Variants in MTUS1 observed in about 807,000 individuals in gnomAD.
The protein encoded by MTUS1 is microtubule-associated tumor suppressor 1.
A neutral mutation model predicts 120.8 loss-of-function variants in MTUS1; 109 were observed. The observed-to-expected ratio is 0.90, with a 90% CI of 0.77 to 1.06. The LOEUF is 1.06. MTUS1 is among the 50% of genes least tolerant of loss of function. The pLI is 0.00. For synonymous variants in MTUS1, 737 were observed against 550.5 expected (o/e 1.34, Z -4.74); for missense variants, 2,210 against 1,486.3 (o/e 1.49, Z -8.01).
intron 4 of MTUS1, chr8:17,722,019 C>A: frequency 7.1e-7 from 1 of 1,401,792 alleles, no homozygotes; most frequent in South Asian, 1.8e-5. Flanking sequence ...TGCGTAAGCT[C>A]CAAGGCACTA....
chr8:17,719,100 G>A (rs1367995304), intron 4 of MTUS1, among the ~76,000 whole-genome samples: 1 of 151,994 alleles, frequency 6.6e-6, no homozygotes, highest in Non-Finnish European at 1.5e-5. Context: ...AACCCAGGAG[G>A]CGGAGGTTGC....
At chr8:17,760,840 T>C (rs893570104) in intron 1 of MTUS1, among the ~76,000 whole-genome samples, 51 of 149,564 alleles carry the variant, frequency 3.4e-4, no homozygotes, top group African/African-American at 1.2e-3. Context: ...CAAACCATCC[T>C]CACCCAAAGG....
chr8:17,776,466 G>A (rs1372111545), intron 1 of MTUS1, among the ~76,000 whole-genome samples: 1 of 151,946 alleles, frequency 6.6e-6, no homozygotes, highest in East Asian at 1.9e-4. Flanking sequence ...CGGATCACCT[G>A]AGCTCAGGAG....
intron 5 of MTUS1, among the ~76,000 whole-genome samples, chr8:17,715,390 G>C (rs1822124939): frequency 6.6e-6 from 1 of 152,202 alleles, no homozygotes; most frequent in Non-Finnish European, 1.5e-5. Flanking sequence ...CAATGTCTTA[G>C]ACCAAAGACA....
intron 8 of MTUS1, among the ~76,000 whole-genome samples, chr8:17,662,019 A>C (rs1809834610): frequency 6.6e-6 from 1 of 152,164 alleles, no homozygotes; most frequent in Non-Finnish European, 1.5e-5. Context: ...AGGTTCTCAG[A>C]GTGCTCCTCG....
chr8:17,654,754 C>T, intron 9 of MTUS1, 88 bp from the exon 10 acceptor site: 1 of 870,854 alleles, frequency 1.1e-6, no homozygotes, highest in Non-Finnish European at 1.9e-6. Context: ...GGAGACGTCA[C>T]AGCTTCACAG....
At chr8:17,713,319 T>C (rs899929772) in intron 5 of MTUS1, 67 bp from the exon 6 acceptor site, 1 of 920,386 alleles carries the variant, frequency 1.1e-6, no homozygotes, top group African/African-American at 1.7e-5. Context: ...AAACAAACCA[T>C]GTTGATAAGA....
At chr8:17,681,333 A>G (rs1449434447) in intron 7 of MTUS1, among the ~76,000 whole-genome samples, 7 of 152,190 alleles carry the variant, frequency 4.6e-5, no homozygotes, top group Non-Finnish European at 1.0e-4. Flanking sequence ...ACATGTAGGT[A>G]TTGTGGGCAA....
intron 2 of MTUS1, among the ~76,000 whole-genome samples, chr8:17,746,596 TG>T (rs1202460965): frequency 7.9e-5 from 12 of 152,044 alleles, no homozygotes; most frequent in Non-Finnish European, 1.5e-4. Flanking sequence ...AAGAACAGTA[TG>T]GGGGAAACCA....
At chr8:17,652,073 C>T (rs2285298) in intron 12 of MTUS1, among the ~76,000 whole-genome samples, 7,790 of 152,204 alleles carry the variant, frequency 0.051, 417 homozygotes, top group East Asian at 0.24. Flanking sequence ...CTAGAGCTGG[C>T]CAGAGATTTG....
intron 8 of MTUS1, among the ~76,000 whole-genome samples, chr8:17,657,397 T>A (rs1434654552): frequency 2.0e-5 from 3 of 150,472 alleles, no homozygotes; most frequent in African/African-American, 7.3e-5. Flanking sequence ...TGAAACCCCG[T>A]CTCTACTAAA....
intron 1 of MTUS1, among the ~76,000 whole-genome samples, chr8:17,799,546 A>C (rs1199492790): frequency 6.6e-6 from 1 of 152,208 alleles, no homozygotes; most frequent in African/African-American, 2.4e-5. Context: ...AAATCAAAAC[A>C]AACAGGGTTA....
At chr8:17,715,540 C>A (rs1270614433) in intron 5 of MTUS1, among the ~76,000 whole-genome samples, 1 of 152,160 alleles carries the variant, frequency 6.6e-6, no homozygotes, top group African/African-American at 2.4e-5. Flanking sequence ...CTACCTTATA[C>A]CTTTGTTCTG....
intron 6 of MTUS1, among the ~76,000 whole-genome samples, chr8:17,700,444 T>C (rs1343173116): frequency 1.1e-5 from 1 of 88,658 alleles, no homozygotes; most frequent in Non-Finnish European, 2.2e-5. Flanking sequence ...CACTCCAGCC[T>C]GGGCAATAAG....
chr8:17,657,955 A>G (rs1808794577), intron 8 of MTUS1, among the ~76,000 whole-genome samples: 1 of 151,432 alleles, frequency 6.6e-6, no homozygotes, highest in Admixed American at 6.6e-5. Flanking sequence ...ACATATATGT[A>G]TGCATATATA....
At chr8:17,674,182 A>G (rs1812591696) in intron 8 of MTUS1, among the ~76,000 whole-genome samples, 1 of 152,020 alleles carries the variant, frequency 6.6e-6, no homozygotes, top group Non-Finnish European at 1.5e-5. Context: ...TCACACCTAT[A>G]ATCCCAGTAC....
intron 8 of MTUS1, among the ~76,000 whole-genome samples, chr8:17,670,371 C>A (rs1260812008): frequency 6.6e-6 from 1 of 152,106 alleles, no homozygotes; most frequent in Non-Finnish European, 1.5e-5. Flanking sequence ...AAACAGCTGG[C>A]AATGAAACCC....
chr8:17,767,017 GCACAACCA>G (rs1167705063), intron 1 of MTUS1, among the ~76,000 whole-genome samples: 4 of 151,922 alleles, frequency 2.6e-5, no homozygotes, highest in Non-Finnish European at 5.9e-5. Context: ...AATAAGACTG[GCACAACCA>G]TTTGCCATCT....
At chr8:17,744,689 C>G (rs374757086) in intron 2 of MTUS1, among the ~76,000 whole-genome samples, 1 of 99,014 alleles carries the variant, frequency 1.0e-5, no homozygotes, top group Non-Finnish European at 2.0e-5. Context: ...ACCATGTTTT[C>G]TTTTTTTTTT....
Sources: allele counts gnomAD v4.1 joint callset (sites outside exome capture counted in the v4.1 genomes callset), GRCh38; gene constraint gnomAD v4.1.1; transcripts MANE v1.5; gene names NCBI Gene and HGNC (gene_info 2026-07-23, HGNC 2026-07-21).